NDC1: variants seen among roughly 807,000 people sequenced by gnomAD.
The protein encoded by NDC1 is NDC1 transmembrane nucleoporin, also known as nucleoporin NDC1.
NDC1 carries 24 observed loss-of-function variants against 89.8 expected under a neutral mutation model. The observed-to-expected ratio is 0.27, with a 90% CI of 0.19 to 0.38. The LOEUF (loss-of-function observed/expected upper bound fraction) is 0.38. Ranked by LOEUF, NDC1 falls within the 10% of genes least tolerant of loss-of-function variation. NDC1 has a pLI of 1.00. For missense variants in NDC1, 728 were observed against 797.6 expected, an observed-to-expected ratio of 0.91 and a Z score of 1.05; for synonymous variants, 296 against 284.8, an observed-to-expected ratio of 1.04 and a Z score of -0.39.
At chr1:53,827,665 G>A (rs1648914488) in intron 4 of NDC1, among the ~76,000 whole-genome samples, 1 of 151,854 alleles carries the variant, frequency 6.6e-6, no homozygotes, top group Admixed American at 6.6e-5. Context: ...CTTGTTTTCT[G>A]AACCTCCACA....
At chr1:53,774,547 A>G (rs983178469) in intron 16 of NDC1, among the ~76,000 whole-genome samples, 4 of 152,174 alleles carry the variant, frequency 2.6e-5, no homozygotes, top group Non-Finnish European at 5.9e-5. Context: ...AAATCATTTT[A>G]CAAACAATTT....
chr1:53,767,201 G>C lies in NDC1; in HGVS notation c.*769C>G, dbSNP rs184864147. On this transcript the variant is annotated 3_prime_UTR_variant, in exon 18 of 18. Transcript: ENST00000371429. ...CACTTAATGTTTTGCTCCAGAAAAAGAAAGCAAAACTAGCTGGGAAAATAC... is the reference window on the plus strand; with the variant it reads ...CACTTAATGTTTTGCTCCAGAAAAACAAAGCAAAACTAGCTGGGAAAATAC... 1 of 152,182 alleles carries C rather than the reference G, an allele frequency of 6.6e-6. No individual in the cohort carries two copies. Among genetic ancestry groups the C allele is most frequent in the South Asian group, 2.1e-4 (1 of 4,824 alleles). The allele number at this position is 152,182 out of a possible 1,614,324, so 9.4% of individuals were successfully genotyped here.
chr1:53,838,126 C>A, intron 1 of NDC1, 79 bp downstream of exon 1: 2 of 1,380,146 alleles, frequency 1.4e-6, no homozygotes, highest in Non-Finnish European at 2.0e-6. Flanking sequence ...CCCTCCCCCG[C>A]CCAGCGCGCA....
At chr1:53,779,819 G>A (rs540074863) in intron 16 of NDC1, among the ~76,000 whole-genome samples, 1 of 152,198 alleles carries the variant, frequency 6.6e-6, no homozygotes, top group South Asian at 2.1e-4. Flanking sequence ...CAAATGTTAG[G>A]TAAAGCAGCA....
chr1:53,805,235 A>C (rs1416057292), intron 9 of NDC1, among the ~76,000 whole-genome samples: 1 of 152,108 alleles, frequency 6.6e-6, no homozygotes, highest in African/African-American at 2.4e-5. Flanking sequence ...ACCCAGGCTA[A>C]AGTGCAGTGG....
At chr1:53,770,388 C>T (rs2100614499) in intron 17 of NDC1, among the ~76,000 whole-genome samples, 1 of 152,158 alleles carries the variant, frequency 6.6e-6, no homozygotes, top group South Asian at 2.1e-4. Flanking sequence ...CTCACTGCAA[C>T]CTCCACTTCC....
intron 16 of NDC1, among the ~76,000 whole-genome samples, chr1:53,779,664 C>A (rs1213915876): frequency 6.6e-6 from 1 of 152,192 alleles, no homozygotes; most frequent in Non-Finnish European, 1.5e-5. Context: ...CTGACTCAGC[C>A]ATTTACTAGG....
intron 16 of NDC1, among the ~76,000 whole-genome samples, chr1:53,782,125 A>G (rs931681328): frequency 2.0e-5 from 3 of 152,134 alleles, no homozygotes; most frequent in Admixed American, 6.5e-5. Flanking sequence ...TAGACAAAAA[A>G]GGAAAGAAAA....
At chr1:53,807,621 A>G (rs369802225) in intron 8 of NDC1, 35 bp downstream of exon 8, 4 of 1,572,448 alleles carry the variant, frequency 2.5e-6, no homozygotes, top group Admixed American at 1.9e-5. Context: ...TCCAAAACAC[A>G]AAAGTATTAA....
chr1:53,815,301 C>T (rs1648441514), intron 6 of NDC1, among the ~76,000 whole-genome samples: 2 of 152,118 alleles, frequency 1.3e-5, no homozygotes. Flanking sequence ...GTTTAACATA[C>T]ACAAGTCAAT....
intron 4 of NDC1, 98 bp from the exon 5 acceptor site, chr1:53,826,034 T>C (rs1235802601): frequency 3.2e-5 from 40 of 1,236,408 alleles, no homozygotes; most frequent in Non-Finnish European, 4.4e-5. Context: ...ATTACTTTAA[T>C]GACTTAAGAA....
chr1:53,770,215 C>T (rs938875958), intron 17 of NDC1, among the ~76,000 whole-genome samples: 1 of 151,602 alleles, frequency 6.6e-6, no homozygotes, highest in Non-Finnish European at 1.5e-5. Context: ...ATTTTTGAGG[C>T]AGGGTCTCGC....
chr1:53,798,934 A>T (rs974220957), intron 11 of NDC1, among the ~76,000 whole-genome samples: 1 of 152,224 alleles, frequency 6.6e-6, no homozygotes. Context: ...GGAGTTTTTA[A>T]GAGTTTTACA....
intron 10 of NDC1, among the ~76,000 whole-genome samples, chr1:53,801,089 C>CAAAAAAAAAAA (rs1285394411): frequency 3.0e-5 from 3 of 101,646 alleles, no homozygotes; most frequent in Non-Finnish European, 4.2e-5. Context: ...ACACACATAC[C>CAAAAAAAAAAA]AAAAAAAAAA....
chr1:53,796,855 C>T, intron 12 of NDC1, 44 bp downstream of exon 12: 1 of 1,607,786 alleles, frequency 6.2e-7, no homozygotes, highest in Non-Finnish European at 8.5e-7. Context: ...GTCTGATCCT[C>T]TGCAACATGA....
chr1:53,838,057 A>C (rs1178041664), intron 1 of NDC1, 148 bp downstream of exon 1: 1 of 702,740 alleles, frequency 1.4e-6, no homozygotes, highest in Non-Finnish European at 2.3e-6. Context: ...ACAACCCTGC[A>C]ATCAGTCCCC....
At chr1:53,772,195 T>A (rs543673289) in intron 17 of NDC1, 134 bp downstream of exon 17, 11 of 757,538 alleles carry the variant, frequency 1.5e-5, no homozygotes, top group Non-Finnish European at 2.3e-5. Flanking sequence ...ACATCCAAGC[T>A]GTAAGTTTAC....
Position 53,823,386 on chromosome 1 carries a change from T to C in NDC1, c.594+2412A>G, listed in dbSNP as rs770453081. 4.6e-5 allele frequency among the ~76,000 whole-genome samples: 7 copies of C among 152,226 alleles called. No homozygotes were observed. The South Asian group carries it at 6.2e-4, about 13-fold the overall frequency. On this transcript the variant is annotated intron_variant, in intron 5 of 17. Coordinates refer to ENST00000371429, the MANE Select transcript of NDC1 (RefSeq NM_018087.5). ...AAGCCAAAGCTGAATATTACCATCA[T>C]AGAATAAACTTTTGGGATTAAGAAT...
Position 53,819,086 on chromosome 1 carries a change from GGA to G in NDC1, c.595-9_595-8del. The G allele has an allele frequency of 7.2e-7, 1 of 1,394,918 alleles. No individual in the cohort carries two copies. Among genetic ancestry groups the G allele is most frequent in the Non-Finnish European group, 1.0e-6 (1 of 1,001,626 alleles). 86.4% of individuals were successfully genotyped at this position (1,394,918 alleles called of 1,614,324 possible). On this transcript the variant is annotated splice_region_variant and splice_polypyrimidine_tract_variant and intron_variant, in intron 5 of 17. Transcript: ENST00000371429. ...AACGCAAGAACTTGTATTGCTGTGGGGAAAAAAAAAAGAATCAAATGACACAT... is the reference window on the plus strand; with the variant it reads ...AACGCAAGAACTTGTATTGCTGTGGGAAAAAAAAAGAATCAAATGACACAT...
Sources: allele counts gnomAD v4.1 joint callset (sites outside exome capture counted in the v4.1 genomes callset), GRCh38; gene constraint gnomAD v4.1.1; transcripts MANE v1.5; gene names NCBI Gene and HGNC (gene_info 2026-07-23, HGNC 2026-07-21).